VKORC1L1: variants seen among roughly 807,000 people sequenced by gnomAD.
VKORC1L1 encodes vitamin K epoxide reductase complex subunit 1-like protein 1.
VKORC1L1 carries 2 observed loss-of-function variants against 18.9 expected under a neutral mutation model. That is an observed-to-expected ratio of 0.11 (90% CI 0.04 to 0.33). The LOEUF (loss-of-function observed/expected upper bound fraction) is 0.33, where lower values mean the gene tolerates loss of function less well. Ranked by LOEUF, VKORC1L1 falls within the 10% of genes least tolerant of loss-of-function variation. The pLI is 1.00. For synonymous variants in VKORC1L1, 96 were observed against 100.0 expected (o/e 0.96, Z 0.24); for missense variants, 123 against 224.1 (o/e 0.55, Z 2.88).
intron 1 of VKORC1L1, among the ~76,000 whole-genome samples, chr7:65,948,058 T>G (rs986336592): frequency 4.6e-5 from 7 of 152,170 alleles, no homozygotes; most frequent in African/African-American, 1.7e-4. Context: ...AAGAAACAAC[T>G]TTTCAATCTA....
chr7:65,904,356 C>A (rs1789369202), intron 1 of VKORC1L1, among the ~76,000 whole-genome samples: 1 of 152,092 alleles, frequency 6.6e-6, no homozygotes, highest in South Asian at 2.1e-4. Context: ...AGGGGTGTGC[C>A]TCCACACCCA....
intron 1 of VKORC1L1, among the ~76,000 whole-genome samples, chr7:65,948,205 C>T (rs1202867250): frequency 6.6e-6 from 1 of 152,056 alleles, no homozygotes; most frequent in African/African-American, 2.4e-5. Context: ...GTACTGGCAG[C>T]ATCTAGTTGG....
At chr7:65,872,630 T>C (rs1014559060), upstream of VKORC1L1, among the ~76,000 whole-genome samples, 3 of 152,162 alleles carry the variant, frequency 2.0e-5, no homozygotes, top group African/African-American at 7.2e-5. Context: ...ACCCGGTCCA[T>C]AAATCATTTT....
At chr7:65,877,060 CAAAA>C (rs1393971808) in intron 1 of VKORC1L1, among the ~76,000 whole-genome samples, 1 of 151,972 alleles carries the variant, frequency 6.6e-6, no homozygotes, top group African/African-American at 2.4e-5. Flanking sequence ...AAAAGAAAAA[CAAAA>C]AAACCTACTT....
chr7:65,888,137 T>A (rs933954228), intron 1 of VKORC1L1, among the ~76,000 whole-genome samples: 1 of 152,192 alleles, frequency 6.6e-6, no homozygotes, highest in African/African-American at 2.4e-5. Flanking sequence ...TGCTAGAAAT[T>A]GAGAAATTAC....
Position 65,895,481 on chromosome 7 carries a change from ATATATATATATATATAT to A in VKORC1L1, c.194+21917_194+21933del, listed in dbSNP as rs1435456594. On this transcript the variant is annotated intron_variant, in intron 1 of 2. Transcript: ENST00000360768. ...AAAAAAAAAAAAAAAAAAAAAAAAA[ATATATATATATATATAT>A]ATATATATATATATATATACACACA... is the stretch of plus-strand genomic sequence containing the variant. Among the ~76,000 whole-genome samples the A allele has an allele frequency of 3.4e-4, 8 of 23,596 alleles. No homozygotes were observed. In the East Asian group the frequency reaches 6.4e-3, roughly 19 times the overall value. The allele number at this position is 23,596 out of a possible 152,430, so 15.5% of individuals were successfully genotyped here.
At chr7:65,891,995 A>G (rs1237878760) in intron 1 of VKORC1L1, among the ~76,000 whole-genome samples, 2 of 151,600 alleles carry the variant, frequency 1.3e-5, no homozygotes, top group African/African-American at 4.9e-5. Context: ...CATGGGTTCA[A>G]TTTTTTTTCT....
intron 1 of VKORC1L1, among the ~76,000 whole-genome samples, chr7:65,888,415 A>G (rs1789050607): frequency 6.6e-6 from 1 of 152,170 alleles, no homozygotes; most frequent in South Asian, 2.1e-4. Flanking sequence ...ATTGTTTCAA[A>G]CTAAAGCAGG....
intron 1 of VKORC1L1, among the ~76,000 whole-genome samples, chr7:65,941,392 G>A (rs542048489): frequency 6.0e-4 from 92 of 152,188 alleles, no homozygotes; most frequent in African/African-American, 2.1e-3. Context: ...CTGGATTACA[G>A]GCATGAGCCA....
Position 65,937,153 on chromosome 7 carries a change from C to T in VKORC1L1, c.195-11518C>T, listed in dbSNP as rs189115262. 1.1e-3 allele frequency among the ~76,000 whole-genome samples: 167 copies of T among 152,272 alleles called. 2 individuals are homozygous for T. The highest frequency in any genetic ancestry group is 3.8e-3 in the African/African-American group (158 of 41,552). ...TTGTTGTTGTTTTGCTGTCTGACCC[C>T]TCACACACCTTACCCCTTGGGCAAT... On this transcript the variant is annotated intron_variant, in intron 1 of 2. Transcript: ENST00000360768.
intron 1 of VKORC1L1, among the ~76,000 whole-genome samples, chr7:65,909,316 G>A (rs1789461154): frequency 6.6e-6 from 1 of 151,664 alleles, no homozygotes; most frequent in South Asian, 2.1e-4. Flanking sequence ...ATAAAGCTAA[G>A]CTTTGCTATG....
chr7:65,884,208 A>G (rs1788975854), intron 1 of VKORC1L1, among the ~76,000 whole-genome samples: 1 of 152,212 alleles, frequency 6.6e-6, no homozygotes, highest in Non-Finnish European at 1.5e-5. Flanking sequence ...GTGTTAACTC[A>G]TAGGATTATT....
chr7:65,943,215 A>G (rs903591536), intron 1 of VKORC1L1, among the ~76,000 whole-genome samples: 1 of 151,924 alleles, frequency 6.6e-6, no homozygotes, highest in African/African-American at 2.4e-5. Flanking sequence ...CCTGGCCAAC[A>G]TGGCGAAACC....
At chr7:65,938,825 G>A (rs1001294028) in intron 1 of VKORC1L1, among the ~76,000 whole-genome samples, 3 of 152,176 alleles carry the variant, frequency 2.0e-5, no homozygotes, top group East Asian at 1.9e-4. Flanking sequence ...AGCCGAGTCC[G>A]GGGAGCCCTT....
Position 65,918,823 on chromosome 7 carries a change from G to A in VKORC1L1, c.195-29848G>A, listed in dbSNP as rs117475127. On this transcript the variant is annotated intron_variant, in intron 1 of 2. Transcript: ENST00000360768. Reference sequence around the variant, plus strand: ...AAAACCAACAAAACAGGCGGGACGCGGTGGCTCCCATCTGTAATCCCAGCA... The same window carrying A: ...AAAACCAACAAAACAGGCGGGACGCAGTGGCTCCCATCTGTAATCCCAGCA... Among the ~76,000 whole-genome samples the A allele has an allele frequency of 6.8e-3, 1,040 of 152,274 alleles. 4 individuals carry two copies. The highest frequency in any genetic ancestry group is 9.9e-3 in the Non-Finnish European group (676 of 68,000).
intron 1 of VKORC1L1, among the ~76,000 whole-genome samples, chr7:65,912,458 C>G (rs557394810): frequency 2.0e-5 from 3 of 152,254 alleles, no homozygotes; most frequent in African/African-American, 7.2e-5. Flanking sequence ...CTGGCTCAAT[C>G]GCATGTCAGT....
chr7:65,878,645 C>T (rs751217560), intron 1 of VKORC1L1, among the ~76,000 whole-genome samples: 36 of 152,122 alleles, frequency 2.4e-4, no homozygotes, highest in Admixed American at 1.8e-3. Flanking sequence ...TGGCTCACGC[C>T]TGTAATCTCA....
At chr7:65,917,441 C>A (rs113594777) in intron 1 of VKORC1L1, among the ~76,000 whole-genome samples, 760 of 152,300 alleles carry the variant, frequency 5.0e-3, no homozygotes, top group Non-Finnish European at 7.9e-3. Flanking sequence ...TTCCTTGATA[C>A]ACTATACTCC....
In VKORC1L1 at chr7:65,873,160, C is replaced by G; in HGVS notation, c.-212C>G. On this transcript the variant is annotated 5_prime_UTR_variant, in exon 1 of 3. Transcript: ENST00000360768. ...CCGCGCGCGCCTTCCCCGCCCCGTC[C>G]GCCTCACTCCTTTTGGGGCGGTTGG... 1 of 503,590 alleles carries G rather than the reference C, an allele frequency of 2.0e-6. No individual in the cohort carries two copies. The highest frequency in any genetic ancestry group is 2.6e-6 in the Non-Finnish European group (1 of 390,196). 31.2% of individuals were successfully genotyped at this position (503,590 alleles called of 1,614,324 possible). A position where few individuals can be genotyped will look rare whatever the true frequency, so the allele number is the denominator to read the frequency against.
Sources: allele counts gnomAD v4.1 joint callset (sites outside exome capture counted in the v4.1 genomes callset), GRCh38; gene constraint gnomAD v4.1.1; transcripts MANE v1.5; gene names NCBI Gene and HGNC (gene_info 2026-07-23, HGNC 2026-07-21).